The following ADAMTS17 variants were observed in gnomAD, a reference collection of about 807,000 sequenced individuals.
ADAMTS17 encodes A disintegrin and metalloproteinase with thrombospondin motifs 17.
In ADAMTS17, 113 loss-of-function variants were observed where a neutral mutation model predicts 141.5. That is an observed-to-expected ratio of 0.80 (90% CI 0.69 to 0.93). The LOEUF (loss-of-function observed/expected upper bound fraction) is 0.93, where lower values mean the gene tolerates loss of function less well. Ranked by LOEUF, ADAMTS17 falls within the 40% of genes least tolerant of loss-of-function variation. ADAMTS17 has a pLI of 0.00. For missense variants in ADAMTS17, 1,659 were observed against 1,517.9 expected, an observed-to-expected ratio of 1.09 and a Z score of -1.54; for synonymous variants, 768 against 630.6, an observed-to-expected ratio of 1.22 and a Z score of -3.27.
chr15:100,119,690 C>T (rs753380604), intron 12 of ADAMTS17, among the ~76,000 whole-genome samples: 4 of 152,216 alleles, frequency 2.6e-5, no homozygotes, highest in East Asian at 1.9e-4. Context: ...GGTCTGGAGG[C>T]GGAGCACATG....
intron 3 of ADAMTS17, among the ~76,000 whole-genome samples, chr15:100,322,055 T>G (rs377074292): frequency 2.0e-5 from 3 of 152,000 alleles, no homozygotes; most frequent in Non-Finnish European, 4.4e-5. Flanking sequence ...CTCCTACAGA[T>G]AGCAACTGTA....
chr15:100,013,575 T>G lies in ADAMTS17; in HGVS notation c.2592-15986A>C, dbSNP rs187615433. ...TATGTCCCTCGCATGCCGGTTTTGC[T>G]GAAAGTTTTAATCATAAAGCGATGC... On this transcript the variant is annotated intron_variant, in intron 18 of 21. Transcript: ENST00000268070. 1.6e-3 allele frequency among the ~76,000 whole-genome samples: 251 copies of G among 152,344 alleles called. 1 individual carries two copies. The highest frequency in any genetic ancestry group is 5.7e-3 in the African/African-American group (237 of 41,588).
intron 13 of ADAMTS17, 45 bp from the exon 14 acceptor site, chr15:100,109,161 G>C (rs569446885): frequency 1.9e-6 from 3 of 1,570,992 alleles, no homozygotes; most frequent in African/African-American, 2.7e-5. Context: ...GAAGGTGTGC[G>C]TGGGCCATGC....
chr15:100,032,967 GTACTT>G (rs1209616729), intron 18 of ADAMTS17, among the ~76,000 whole-genome samples: 1 of 152,084 alleles, frequency 6.6e-6, no homozygotes, highest in Non-Finnish European at 1.5e-5. Context: ...TGCTGCTTCT[GTACTT>G]TACGTCTTAG....
intron 10 of ADAMTS17, among the ~76,000 whole-genome samples, chr15:100,136,634 G>A (rs1275553823): frequency 6.6e-6 from 1 of 152,188 alleles, no homozygotes; most frequent in Non-Finnish European, 1.5e-5. Context: ...CCAAAGAGGA[G>A]GTCAATGTTT....
At chr15:100,276,440 GGGTGGGAGGGGGTGGGTGCCT>G (rs2044094993) in intron 4 of ADAMTS17, among the ~76,000 whole-genome samples, 1 of 73,058 alleles carries the variant, frequency 1.4e-5, no homozygotes, top group African/African-American at 5.7e-5. Context: ...CCTGGTGGGA[GGGTGGGAGGGGGTGGGTGCCT>G]GGTGGGAGGG....
intron 18 of ADAMTS17, among the ~76,000 whole-genome samples, chr15:100,041,797 G>A (rs2031280592): frequency 6.6e-6 from 1 of 152,180 alleles, no homozygotes; most frequent in Admixed American, 6.5e-5. Flanking sequence ...TGCTAATGGT[G>A]TGCAGTTGGG....
At chr15:100,311,256 A>G (rs957970746) in intron 3 of ADAMTS17, among the ~76,000 whole-genome samples, 1 of 152,112 alleles carries the variant, frequency 6.6e-6, no homozygotes. Flanking sequence ...AAAATCAGAC[A>G]CTACTGCGGG....
chr15:100,080,207 A>G (rs926599018), intron 15 of ADAMTS17, among the ~76,000 whole-genome samples: 3 of 152,140 alleles, frequency 2.0e-5, no homozygotes, highest in Non-Finnish European at 4.4e-5. Context: ...TTAGTTCCAG[A>G]GGGAGAAATG....
intron 7 of ADAMTS17, 65 bp from the exon 8 acceptor site, chr15:100,199,488 T>C: frequency 7.4e-7 from 1 of 1,346,784 alleles, no homozygotes; most frequent in Non-Finnish European, 1.1e-6. Context: ...ACCGGGCAAG[T>C]CCGCACGGTC....
At chr15:100,288,271 A>C (rs988513984) in intron 3 of ADAMTS17, among the ~76,000 whole-genome samples, 3 of 152,208 alleles carry the variant, frequency 2.0e-5, no homozygotes, top group Non-Finnish European at 4.4e-5. Context: ...TAAAAAGACA[A>C]AGAAGGGCAT....
chr15:100,306,462 G>T (rs1306210751), intron 3 of ADAMTS17: 2 of 456,010 alleles, frequency 4.4e-6, no homozygotes, highest in South Asian at 3.1e-5. Context: ...GCTCCACGTT[G>T]TTGTCCTTGT....
intron 15 of ADAMTS17, among the ~76,000 whole-genome samples, chr15:100,063,186 T>C (rs1887062138): frequency 6.6e-6 from 1 of 152,206 alleles, no homozygotes; most frequent in Non-Finnish European, 1.5e-5. Flanking sequence ...CACTAGGAAT[T>C]TGGGATACAC....
rs148578396 is a variant in ADAMTS17 at position 100,281,369 on chromosome 15, G to A, written c.649C>T (p.Arg217Trp). Residue 217 changes from arginine (R) to tryptophan (W), a missense_variant, in exon 4 of 22, where the codon CGG becomes TGG. Coordinates refer to ENST00000268070, the MANE Select transcript of ADAMTS17 (RefSeq NM_139057.4). ...KKKPTWGRPS[R>W]DWRERRNAIR... Reference sequence around the variant, plus strand: ...GCGTTCCTCCGCTCCCGCCAGTCCCGCGAAGGCCTGCCCCACGTCGGCTTC... The same window carrying A: ...GCGTTCCTCCGCTCCCGCCAGTCCCACGAAGGCCTGCCCCACGTCGGCTTC... 4.5e-5 allele frequency: 72 copies of A among 1,612,572 alleles called. No individual in the cohort carries two copies. The highest frequency in any genetic ancestry group is 9.3e-5 in the African/African-American group (7 of 75,050).
At chr15:100,336,791 A>G (rs1975453) in intron 2 of ADAMTS17, among the ~76,000 whole-genome samples, 142,091 of 152,262 alleles carry the variant, frequency 0.93, 66,553 homozygotes, top group Middle Eastern at 0.98. Context: ...TAAAGAAAGA[A>G]GTAGTAACAT....
rs2039247347 is a variant in ADAMTS17, at chr15:100,152,902, G to A, written c.1323-140C>T. 9.9e-6 allele frequency: 7 copies of A among 710,066 alleles called. No homozygotes were observed. The South Asian group carries it at 1.8e-4, about 19-fold the overall frequency. 44.0% of individuals were successfully genotyped at this position (710,066 alleles called of 1,614,324 possible). ...CTTATGGAAAAAGGACGCAGGCACT[G>A]GACACACAGACTGCGCTTTTTTGCT... On this transcript the variant is annotated intron_variant, in intron 9 of 21. Coordinates refer to ENST00000268070, the MANE Select transcript of ADAMTS17 (RefSeq NM_139057.4).
At chr15:100,257,979 TACC>T (rs2043382760) in intron 6 of ADAMTS17, among the ~76,000 whole-genome samples, 1 of 152,198 alleles carries the variant, frequency 6.6e-6, no homozygotes, top group Non-Finnish European at 1.5e-5. Context: ...CTACTGTAGG[TACC>T]TCACATAAGT....
chr15:100,039,954 T>A (rs537646384), intron 18 of ADAMTS17, among the ~76,000 whole-genome samples: 6 of 152,350 alleles, frequency 3.9e-5, no homozygotes, highest in African/African-American at 1.4e-4. Flanking sequence ...TCATAAAATG[T>A]CTGTATTCTA....
chr15:100,167,383 G>A (rs556740768), intron 8 of ADAMTS17, among the ~76,000 whole-genome samples: 2 of 152,164 alleles, frequency 1.3e-5, no homozygotes, highest in Non-Finnish European at 2.9e-5. Flanking sequence ...ATCACGTACT[G>A]ACTCTTCACG....
Sources: gnomAD v4.1 joint callset for allele counts (sites outside exome capture counted in the v4.1 genomes callset) on GRCh38, gnomAD v4.1.1 for gene constraint, MANE v1.5 for transcripts, NCBI Gene and HGNC (gene_info 2026-07-23, HGNC 2026-07-21) for gene names.